The following UBE2D3 variants were observed in gnomAD, a reference collection of about 807,000 sequenced individuals.
The protein encoded by UBE2D3 is ubiquitin conjugating enzyme E2 D3, also known as ubiquitin-conjugating enzyme E2 D3.
Under a neutral mutation model 22.8 loss-of-function variants are expected in UBE2D3, and 2 were observed. That is an observed-to-expected ratio of 0.09 (90% CI 0.04 to 0.28). UBE2D3 has a LOEUF of 0.28. Among genes scored for constraint, UBE2D3 ranks in the 10% least tolerant of loss-of-function variants. UBE2D3 has a pLI of 1.00. For missense variants in UBE2D3, 27 were observed against 182.5 expected (o/e 0.15, Z 4.91); for synonymous variants, 56 against 60.4 (o/e 0.93, Z 0.34).
chr4:102,825,625 A>C (rs1730330838), intron 2 of UBE2D3: 1 of 1,203,832 alleles, frequency 8.3e-7, no homozygotes, highest in South Asian at 1.3e-5. Context: ...GAAAAATCCT[A>C]GTTTTTTTTC....
intron 2 of UBE2D3, chr4:102,825,258 T>C (rs1730275291): frequency 2.0e-6 from 2 of 986,272 alleles, no homozygotes; most frequent in South Asian, 9.2e-5. Context: ...ACAATTTTTC[T>C]AGTAAGGCTG....
chr4:102,820,817 G>C (rs535273825), intron 2 of UBE2D3, among the ~76,000 whole-genome samples: 19 of 152,162 alleles, frequency 1.2e-4, no homozygotes, highest in Non-Finnish European at 2.5e-4. Context: ...CATTAGCCAT[G>C]AAATTACAGC....
chr4:102,828,271 C>A (rs555949403), upstream of UBE2D3: 585 of 985,224 alleles, frequency 5.9e-4, no homozygotes, highest in Admixed American at 6.8e-4. Flanking sequence ...TTACCAGATA[C>A]CTTTAGTCTA....
chr4:102,821,882 T>C (rs1250029899), intron 2 of UBE2D3, among the ~76,000 whole-genome samples: 3 of 152,210 alleles, frequency 2.0e-5, no homozygotes, highest in Admixed American at 1.3e-4. Flanking sequence ...AGCTCTTCTA[T>C]ACGCTAACAG....
At chr4:102,843,888 A>T (rs893539139) in intron 1 of UBE2D3, 1 of 152,166 alleles carries the variant, frequency 6.6e-6, no homozygotes. Context: ...GTAGCCTGAG[A>T]CAAGACAGTA....
chr4:102,856,176 G>T (rs1732608352), intron 1 of UBE2D3, among the ~76,000 whole-genome samples: 1 of 152,118 alleles, frequency 6.6e-6, no homozygotes, highest in South Asian at 2.1e-4. Context: ...GACCAGCCTC[G>T]CTAACATGGC....
intron 1 of UBE2D3, among the ~76,000 whole-genome samples, chr4:102,840,213 G>T (rs756993622): frequency 2.0e-5 from 3 of 152,052 alleles, no homozygotes; most frequent in Non-Finnish European, 4.4e-5. Context: ...AAAACTAAAA[G>T]AACTGCCATA....
chr4:102,830,546 T>C (rs1204896191), upstream of UBE2D3, among the ~76,000 whole-genome samples: 1 of 152,164 alleles, frequency 6.6e-6, no homozygotes, highest in African/African-American at 2.4e-5. Context: ...TGAATTGACA[T>C]AAAACATGAG....
At chr4:102,799,968 T>TGA (rs749941668) in intron 6 of UBE2D3, among the ~76,000 whole-genome samples, 22 of 151,958 alleles carry the variant, frequency 1.4e-4, no homozygotes, top group Non-Finnish European at 2.5e-4. Flanking sequence ...CTCCACTAAA[T>TGA]GTCTCCTTGA....
At chr4:102,839,761 T>C (rs1160544261) in intron 1 of UBE2D3, among the ~76,000 whole-genome samples, 1 of 152,044 alleles carries the variant, frequency 6.6e-6, no homozygotes, top group Non-Finnish European at 1.5e-5. Flanking sequence ...GGCTAAGACC[T>C]CAAAAGCACA....
chr4:102,840,380 T>C (rs78581920), intron 1 of UBE2D3, among the ~76,000 whole-genome samples: 9,729 of 152,276 alleles, frequency 0.064, 454 homozygotes, highest in African/African-American at 0.13. Flanking sequence ...TGAATACTAT[T>C]GGCCACAAAA....
chr4:102,830,783 C>T (rs1162871707), upstream of UBE2D3, among the ~76,000 whole-genome samples: 1 of 152,144 alleles, frequency 6.6e-6, no homozygotes, highest in Admixed American at 6.5e-5. Context: ...GGAGGATTGC[C>T]TCAGCCTGGG....
At chr4:102,837,621 G>A (rs894132743) in intron 1 of UBE2D3, among the ~76,000 whole-genome samples, 1 of 152,144 alleles carries the variant, frequency 6.6e-6, no homozygotes, top group African/African-American at 2.4e-5. Context: ...CCAGGAGTTT[G>A]AGACAAGCTT....
intron 2 of UBE2D3, among the ~76,000 whole-genome samples, chr4:102,819,807 T>C (rs916670230): frequency 1.3e-5 from 2 of 152,236 alleles, no homozygotes; most frequent in Admixed American, 6.5e-5. Flanking sequence ...TATAGATACA[T>C]TTCCTCTCAG....
chr4:102,859,681 T>C (rs193227040), intron 1 of UBE2D3, among the ~76,000 whole-genome samples: 4 of 151,978 alleles, frequency 2.6e-5, no homozygotes, highest in African/African-American at 7.2e-5. Context: ...TTTAGAGTCC[T>C]GTAGGCTTAC....
At chr4:102,837,647 C>A (rs1284346246) in intron 1 of UBE2D3, among the ~76,000 whole-genome samples, 1 of 151,574 alleles carries the variant, frequency 6.6e-6, no homozygotes, top group Non-Finnish European at 1.5e-5. Context: ...ACACAGTGAT[C>A]CTGTCTCTAC....
chr4:102,808,263 T>C (rs564041063), intron 4 of UBE2D3, among the ~76,000 whole-genome samples: 1 of 152,312 alleles, frequency 6.6e-6, no homozygotes, highest in South Asian at 2.1e-4. Context: ...AGAAGGCTTT[T>C]ATTTGAAGAC....
intron 2 of UBE2D3, among the ~76,000 whole-genome samples, chr4:102,821,255 A>T (rs1729561198): frequency 6.6e-6 from 1 of 152,186 alleles, no homozygotes; most frequent in Non-Finnish European, 1.5e-5. Flanking sequence ...TAAAAGACAA[A>T]TCACATTGTA....
intron 4 of UBE2D3, among the ~76,000 whole-genome samples, chr4:102,807,183 A>C (rs1424241012): frequency 6.6e-6 from 1 of 152,198 alleles, no homozygotes; most frequent in Non-Finnish European, 1.5e-5. Context: ...TCTCCCACTA[A>C]ATCTGTAATT....
Sources: allele counts gnomAD v4.1 joint callset (sites outside exome capture counted in the v4.1 genomes callset), GRCh38; gene constraint gnomAD v4.1.1; transcripts MANE v1.5; gene names NCBI Gene and HGNC (gene_info 2026-07-23, HGNC 2026-07-21).